The following GPM6A variants were observed in gnomAD, a reference collection of about 807,000 sequenced individuals.
GPM6A encodes the protein glycoprotein M6A, also known as neuronal membrane glycoprotein M6-a.
GPM6A carries 7 observed loss-of-function variants against 32.1 expected under a neutral mutation model. The ratio of observed to expected loss-of-function variants is 0.22; its 90% CI spans 0.12 to 0.41. The LOEUF (loss-of-function observed/expected upper bound fraction) is 0.41. Among genes scored for constraint, GPM6A ranks in the 10% least tolerant of loss-of-function variants. GPM6A has a pLI of 1.00. For synonymous variants in GPM6A, 130 were observed against 123.4 expected (o/e 1.05, Z -0.35); for missense variants, 235 against 347.2 (o/e 0.68, Z 2.57).
chr4:175,671,438 A>ATAATAAAG (rs1743054396), intron 3 of GPM6A, among the ~76,000 whole-genome samples: 1 of 145,986 alleles, frequency 6.8e-6, no homozygotes, highest in South Asian at 2.2e-4. Context: ...CACTTTGAAC[A>ATAATAAAG]TAATAAAGTA....
intron 1 of GPM6A, among the ~76,000 whole-genome samples, chr4:175,984,322 C>T (rs1310237275): frequency 1.3e-5 from 2 of 151,938 alleles, no homozygotes; most frequent in African/African-American, 4.8e-5. Context: ...TCCACCACGC[C>T]CGGCTAATTT....
At chr4:175,849,448 T>C (rs1443097556) in intron 1 of GPM6A, among the ~76,000 whole-genome samples, 2 of 152,068 alleles carry the variant, frequency 1.3e-5, no homozygotes, top group East Asian at 1.9e-4. Context: ...TGAATAGCAA[T>C]GGAGGATCAT....
intron 1 of GPM6A, among the ~76,000 whole-genome samples, chr4:175,707,625 T>C (rs1745274135): frequency 6.6e-6 from 1 of 152,190 alleles, no homozygotes; most frequent in South Asian, 2.1e-4. Context: ...TGTGAAAATT[T>C]TGGGCTTTAT....
At chr4:175,760,738 G>A (rs1373300233) in intron 1 of GPM6A, among the ~76,000 whole-genome samples, 2 of 148,196 alleles carry the variant, frequency 1.3e-5, no homozygotes, top group African/African-American at 4.9e-5. Context: ...GATGCAGGTA[G>A]AGAGAGAGAG....
At chr4:175,645,238 C>T (rs1248846532) in intron 4 of GPM6A, among the ~76,000 whole-genome samples, 1 of 152,100 alleles carries the variant, frequency 6.6e-6, no homozygotes, top group Non-Finnish European at 1.5e-5. Context: ...ATTTTTCATG[C>T]TAGCTAAACA....
chr4:175,840,447 G>T (rs375566015), intron 1 of GPM6A, among the ~76,000 whole-genome samples: 1 of 152,178 alleles, frequency 6.6e-6, no homozygotes, highest in African/African-American at 2.4e-5. Context: ...GGAGACCGAG[G>T]CGGACGGATC....
intron 1 of GPM6A, among the ~76,000 whole-genome samples, chr4:175,976,662 G>T (rs7688681): frequency 0.14 from 21,731 of 152,076 alleles, 2,015 homozygotes; most frequent in South Asian, 0.2. Context: ...TGTGGAAATG[G>T]GTACACAGAT....
At chr4:175,645,084 A>G (rs1370209433) in intron 4 of GPM6A, among the ~76,000 whole-genome samples, 1 of 152,154 alleles carries the variant, frequency 6.6e-6, no homozygotes, top group African/African-American at 2.4e-5. Flanking sequence ...TGGGCGACAG[A>G]GTGAGATTGT....
At chr4:175,768,297 G>C (rs910925550) in intron 1 of GPM6A, among the ~76,000 whole-genome samples, 15 of 152,146 alleles carry the variant, frequency 9.9e-5, no homozygotes, top group African/African-American at 3.6e-4. Flanking sequence ...TTGTATAAGA[G>C]AGTGCGAAGC....
chr4:175,849,442 T>C (rs1736185485), intron 1 of GPM6A, among the ~76,000 whole-genome samples: 1 of 152,164 alleles, frequency 6.6e-6, no homozygotes. Context: ...GTGCCTTGAA[T>C]AGCAATGGAG....
intron 1 of GPM6A, among the ~76,000 whole-genome samples, chr4:175,749,712 A>T (rs1732245938): frequency 6.6e-6 from 1 of 152,220 alleles, no homozygotes; most frequent in Admixed American, 6.5e-5. Flanking sequence ...ATATGTAAAA[A>T]GCGATGGATG....
intron 1 of GPM6A, among the ~76,000 whole-genome samples, chr4:175,861,558 C>G (rs1736573295): frequency 6.6e-6 from 1 of 151,556 alleles, no homozygotes; most frequent in African/African-American, 2.4e-5. Flanking sequence ...TTGAGACCAG[C>G]CTGGGCAACA....
At chr4:175,995,994 A>G (rs903385605) in intron 1 of GPM6A, among the ~76,000 whole-genome samples, 5 of 146,186 alleles carry the variant, frequency 3.4e-5, no homozygotes, top group African/African-American at 1.3e-4. Flanking sequence ...GCTTTGCAGT[A>G]TTTACCCTTG....
intron 4 of GPM6A, among the ~76,000 whole-genome samples, chr4:175,650,683 G>T (rs1741753725): frequency 6.6e-6 from 1 of 152,114 alleles, no homozygotes; most frequent in Non-Finnish European, 1.5e-5. Flanking sequence ...TCATCTTGTA[G>T]GATGGTGGGT....
chr4:175,672,854 A>C (rs1743159702), intron 3 of GPM6A, among the ~76,000 whole-genome samples: 1 of 152,226 alleles, frequency 6.6e-6, no homozygotes, highest in Non-Finnish European at 1.5e-5. Flanking sequence ...GAAGCATAAT[A>C]AAATGTGTTA....
chr4:175,783,472 C>T (rs185928601), intron 1 of GPM6A, among the ~76,000 whole-genome samples: 3 of 151,914 alleles, frequency 2.0e-5, no homozygotes, highest in East Asian at 1.9e-4. Flanking sequence ...ATGAAAGGAG[C>T]TTAACATACA....
intron 1 of GPM6A, among the ~76,000 whole-genome samples, chr4:175,903,240 C>A (rs1221494445): frequency 6.6e-6 from 1 of 151,544 alleles, no homozygotes; most frequent in Non-Finnish European, 1.5e-5. Flanking sequence ...AAACTCATGT[C>A]ATTTGACTAT....
At chr4:175,635,182 C>T (rs1249395983) in intron 6 of GPM6A, 125 bp from the exon 7 acceptor site, 16 of 697,902 alleles carry the variant, frequency 2.3e-5, no homozygotes, top group Non-Finnish European at 3.6e-5. Flanking sequence ...AAAATGGAAA[C>T]AAAATTTCTT....
At chr4:175,983,541 TA>T in intron 1 of GPM6A, among the ~76,000 whole-genome samples, 1 of 152,348 alleles carries the variant, frequency 6.6e-6, no homozygotes, top group East Asian at 1.9e-4. Context: ...GTGGTGATTA[TA>T]AGGTTTTTCT....
Sources: allele counts gnomAD v4.1 joint callset (sites outside exome capture counted in the v4.1 genomes callset), GRCh38; gene constraint gnomAD v4.1.1; transcripts MANE v1.5; gene names NCBI Gene and HGNC (gene_info 2026-07-23, HGNC 2026-07-21).